ZNF334: variants seen among roughly 807,000 people sequenced by gnomAD.
The protein encoded by ZNF334 is zinc finger protein 334.
Under a neutral mutation model 12.4 loss-of-function variants are expected in ZNF334, and 14 were observed. That is an observed-to-expected ratio of 1.13 (90% CI 0.74 to 1.76). The LOEUF is 1.76. ZNF334 is among the 40% of genes most tolerant of loss of function. The probability of loss-of-function intolerance (pLI) is 0.00; values close to 1 mark genes in which losing one functional copy is unlikely to be tolerated. For missense variants in ZNF334, 797 were observed against 804.5 expected, an observed-to-expected ratio of 0.99 and a Z score of 0.11; for synonymous variants, 273 against 269.6, an observed-to-expected ratio of 1.01 and a Z score of -0.12.
At chr20:46,504,553 T>A in intron 3 of ZNF334, 61 bp downstream of exon 3, 1 of 1,524,434 alleles carries the variant, frequency 6.6e-7, no homozygotes, top group Non-Finnish European at 8.8e-7. Flanking sequence ...GAAATCAACA[T>A]GTTTTTGTAA....
intron 2 of ZNF334, chr20:46,506,523 A>G (rs928396030): frequency 1.5e-5 from 6 of 391,724 alleles, no homozygotes; most frequent in African/African-American, 1.2e-4. Flanking sequence ...GGCTGAGGCA[A>G]GAGGATCACT....
intron 4 of ZNF334, among the ~76,000 whole-genome samples, chr20:46,503,782 T>C (rs1461785661): frequency 6.6e-6 from 1 of 152,072 alleles, no homozygotes; most frequent in Non-Finnish European, 1.5e-5. Context: ...CGGATCCTGG[T>C]GAAGCGTAGA....
chr20:46,469,245 C>G, the ZNF334 span, among the ~76,000 whole-genome samples: 1 of 151,970 alleles, frequency 6.6e-6, no homozygotes, highest in Non-Finnish European at 1.5e-5. Context: ...GCCAAGAGAC[C>G]AAAAAGTGAG....
downstream of ZNF334, among the ~76,000 whole-genome samples, chr20:46,496,389 C>T (rs1256655027): frequency 1.3e-5 from 2 of 152,094 alleles, no homozygotes; most frequent in African/African-American, 4.8e-5. Flanking sequence ...CAGAATCAGT[C>T]CCATCAAGAA....
chr20:46,502,182 A>G lies in ZNF334; in HGVS notation c.1157T>C (p.Phe386Ser), dbSNP rs901625480. The G allele has an allele frequency of 9.3e-6, 15 of 1,613,976 alleles. No homozygotes were observed. The highest frequency in any genetic ancestry group is 2.7e-5 in the African/African-American group (2 of 74,916). ...CGCAGTAAGGGCTGACTGACAGAAGAAGGTTTTCCCACATTCCTTACATTC... is the reference window on the plus strand; with the variant it reads ...CGCAGTAAGGGCTGACTGACAGAAGGAGGTTTTCCCACATTCCTTACATTC... ...PNECKECGKT[F>S]FCQSALTAHQ... Residue 386 changes from phenylalanine to serine, a missense_variant, in exon 5 of 5, where the codon TTC becomes TCC. Transcript: ENST00000692313.
downstream of ZNF334, among the ~76,000 whole-genome samples, chr20:46,498,616 CTGTTT>C (rs1186951600): frequency 6.6e-6 from 1 of 152,224 alleles, no homozygotes; most frequent in Admixed American, 6.5e-5. Context: ...TAAATGTTTA[CTGTTT>C]TAAGTTGCTA....
chr20:46,505,999 A>G, intron 2 of ZNF334: 1 of 192,802 alleles, frequency 5.2e-6, no homozygotes, highest in Non-Finnish European at 1.0e-5. Flanking sequence ...TGTAATGTGC[A>G]TATTATTTCA....
At chr20:46,509,983 T>C (rs2061584126) in intron 2 of ZNF334, among the ~76,000 whole-genome samples, 1 of 152,222 alleles carries the variant, frequency 6.6e-6, no homozygotes, top group Non-Finnish European at 1.5e-5. Context: ...CAGTATCTCC[T>C]TCATTCAAGC....
the ZNF334 span, among the ~76,000 whole-genome samples, chr20:46,469,563 G>A: frequency 6.6e-6 from 1 of 151,668 alleles, no homozygotes. Context: ...TAGTAGAGAC[G>A]GGGTTTCACC....
chr20:46,471,546 A>G, the ZNF334 span, among the ~76,000 whole-genome samples: 1 of 152,176 alleles, frequency 6.6e-6, no homozygotes, highest in Non-Finnish European at 1.5e-5. Context: ...CAAATTCATG[A>G]AAATATTGTC....
In ZNF334 at chr20:46,509,793, TAA is replaced by T. The variant is rs1000496311; in HGVS notation, c.21+2287_21+2288del. On this transcript the variant is annotated intron_variant, in intron 2 of 4. Coordinates refer to ENST00000692313, the MANE Select transcript of ZNF334 (RefSeq NM_001353824.2). ...CCTGGTGTGGGTGGGTGGCATTAACTAAGAGAGATAAAGGGGATGGCAGAATA... is the reference window on the plus strand; with the variant it reads ...CCTGGTGTGGGTGGGTGGCATTAACTGAGAGATAAAGGGGATGGCAGAATA... 4 of 643,890 alleles carry T rather than the reference TAA, an allele frequency of 6.2e-6. No homozygotes were observed. In the African/African-American group the frequency reaches 7.2e-5, roughly 12 times the overall value. 39.9% of individuals were successfully genotyped at this position (643,890 alleles called of 1,614,324 possible). A position where few individuals can be genotyped will look rare whatever the true frequency, so the allele number is the denominator to read the frequency against.
the ZNF334 span, among the ~76,000 whole-genome samples, chr20:46,483,986 TC>T: frequency 6.6e-6 from 1 of 152,222 alleles, no homozygotes; most frequent in African/African-American, 2.4e-5. Context: ...ATTGAGAGAC[TC>T]TGTCAAATCT....
In ZNF334 at chr20:46,501,153, A is replaced by T; in HGVS notation, c.*143T>A. 1 of 878,280 alleles carries T rather than the reference A, an allele frequency of 1.1e-6. No homozygotes were observed. The highest frequency in any genetic ancestry group is 1.7e-6 in the Non-Finnish European group (1 of 584,470). 54.4% of individuals were successfully genotyped at this position (878,280 alleles called of 1,614,324 possible). On this transcript the variant is annotated 3_prime_UTR_variant, in exon 5 of 5. Coordinates refer to ENST00000692313, the MANE Select transcript of ZNF334 (RefSeq NM_001353824.2). ...TTTCCTACATGATTTCTCTGATGTT[A>T]CATTGAGGGTTGACTTATGGCAGAA...
intron 1 of ZNF334, 101 bp from the exon 2 acceptor site, chr20:46,512,241 C>A: frequency 1.2e-6 from 1 of 802,726 alleles, no homozygotes; most frequent in Non-Finnish European, 2.1e-6. Context: ...AAACATGGCC[C>A]TTTGACCAGT....
At chr20:46,464,540 G>A in the ZNF334 span, 1 of 441,334 alleles carries the variant, frequency 2.3e-6, no homozygotes, top group South Asian at 1.9e-5. Flanking sequence ...CTTCTCATGG[G>A]CCTCAGGACA....
chr20:46,482,841 G>C, the ZNF334 span, among the ~76,000 whole-genome samples: 1 of 152,114 alleles, frequency 6.6e-6, no homozygotes, highest in East Asian at 1.9e-4. Context: ...CATCTGCAAC[G>C]TGTTCTACAG....
the ZNF334 span, among the ~76,000 whole-genome samples, chr20:46,470,355 T>C: frequency 1.3e-5 from 2 of 152,190 alleles, no homozygotes; most frequent in Non-Finnish European, 2.9e-5. Context: ...CAGGTCTTGG[T>C]TGTCTCCTTC....
rs2061693706 is a variant in ZNF334 at position 46,512,621 on chromosome 20, T to G, written c.-120A>C. ...ATGAAAGTGCTTTAAGGTGTTTGTC[T>G]TTTTGACAGTTTGGTTTCCCTTAGC... On this transcript the variant is annotated 5_prime_UTR_variant, in exon 1 of 5. Transcript: ENST00000692313. The G allele has an allele frequency of 6.6e-6, 1 of 152,404 alleles. No homozygotes were observed. The highest frequency in any genetic ancestry group is 1.5e-5 in the Non-Finnish European group (1 of 68,178). The allele number at this position is 152,404 out of a possible 1,614,324, so 9.4% of individuals were successfully genotyped here.
the ZNF334 span, among the ~76,000 whole-genome samples, chr20:46,486,215 A>C: frequency 6.6e-6 from 1 of 152,246 alleles, no homozygotes; most frequent in East Asian, 1.9e-4. Flanking sequence ...ATAATTCATT[A>C]TGTCATTATG....
Sources: allele counts gnomAD v4.1 joint callset (sites outside exome capture counted in the v4.1 genomes callset), GRCh38; gene constraint gnomAD v4.1.1; transcripts MANE v1.5; gene names NCBI Gene and HGNC (gene_info 2026-07-23, HGNC 2026-07-21).